PTPRZ1: variants seen among roughly 807,000 people sequenced by gnomAD.
PTPRZ1 encodes the protein protein tyrosine phosphatase receptor type Z1, also known as receptor-type tyrosine-protein phosphatase zeta.
In PTPRZ1, 82 loss-of-function variants were observed where a neutral mutation model predicts 214.1. The observed-to-expected ratio is 0.38, with a 90% CI of 0.32 to 0.46. The LOEUF is 0.46. Ranked by LOEUF, PTPRZ1 falls within the 20% of genes least tolerant of loss-of-function variation. The pLI is 1.00. For synonymous variants in PTPRZ1, 945 were observed against 987.9 expected (o/e 0.96, Z 0.81); for missense variants, 2,603 against 2,748.7 (o/e 0.95, Z 1.19).
At chr7:121,950,901 G>A (rs1796525296) in intron 2 of PTPRZ1, among the ~76,000 whole-genome samples, 1 of 152,144 alleles carries the variant, frequency 6.6e-6, no homozygotes, top group Non-Finnish European at 1.5e-5. Flanking sequence ...GAAACAGAAC[G>A]TATTTGTGGC....
intron 14 of PTPRZ1, among the ~76,000 whole-genome samples, chr7:122,029,671 A>C (rs1799316979): frequency 6.6e-6 from 1 of 151,978 alleles, no homozygotes; most frequent in African/African-American, 2.4e-5. Flanking sequence ...CTGAAATCTC[A>C]TGACTTAAAA....
At chr7:121,943,930 A>G (rs1245061260) in intron 2 of PTPRZ1, among the ~76,000 whole-genome samples, 2 of 152,194 alleles carry the variant, frequency 1.3e-5, no homozygotes, top group Non-Finnish European at 2.9e-5. Flanking sequence ...ATGCATGAAT[A>G]TATTTATTTG....
chr7:122,007,183 A>T (rs1798518436), intron 11 of PTPRZ1, among the ~76,000 whole-genome samples: 1 of 152,152 alleles, frequency 6.6e-6, no homozygotes, highest in South Asian at 2.1e-4. Context: ...TGTTGGTAGA[A>T]GGCTATGATC....
rs1216480087 is a variant in PTPRZ1, at chr7:122,014,432, T to TTTAA, written c.4843+562_4843+565dup. ...TGGGGAGCTTTATTTATTATTATTA[T>TTTAA]TTAATTAATTAATTAATTAATTTTG... On this transcript the variant is annotated intron_variant, in intron 12 of 29. Transcript: ENST00000393386. Among the ~76,000 whole-genome samples the TTTAA allele has an allele frequency of 3.9e-3, 595 of 152,016 alleles. 7 individuals are homozygous for TTTAA. Among genetic ancestry groups the TTTAA allele is most frequent in the African/African-American group, 0.013 (536 of 41,510 alleles).
At chr7:121,925,746 GAGTTTATCTAAATAAATTTA>G (rs1364622645) in intron 1 of PTPRZ1, among the ~76,000 whole-genome samples, 2 of 152,088 alleles carry the variant, frequency 1.3e-5, no homozygotes, top group Admixed American at 6.6e-5. Context: ...ATAAAGATAT[GAGTTTATCTAAATAAATTTA>G]AGTTTATCTA....
intron 20 of PTPRZ1, 84 bp downstream of exon 20, chr7:122,039,672 G>A (rs952633654): frequency 1.3e-6 from 2 of 1,505,078 alleles, no homozygotes; most frequent in Non-Finnish European, 1.8e-6. Flanking sequence ...AACCAAGAAA[G>A]GGTAAAAAGC....
rs1798193825 is a variant in PTPRZ1 at position 121,997,879 on chromosome 7, G to C, written c.1114-1G>C. On this transcript the variant is annotated splice_acceptor_variant, in intron 9 of 29. Coordinates refer to ENST00000393386, the MANE Select transcript of PTPRZ1 (RefSeq NM_002851.3). LOFTEE classifies it high-confidence loss of function. ...TATAATTACTAACATCTTTCTTTTAGGGTGCTATTCTCAATAATTTGCTAC... is the reference window on the plus strand; with the variant it reads ...TATAATTACTAACATCTTTCTTTTACGGTGCTATTCTCAATAATTTGCTAC... 1 of 1,599,104 alleles carries C rather than the reference G, an allele frequency of 6.3e-7. No homozygotes were observed. The highest frequency in any genetic ancestry group is 1.3e-5 in the African/African-American group (1 of 74,348).
chr7:122,024,836 A>ATGCT (rs1437107617), intron 13 of PTPRZ1, among the ~76,000 whole-genome samples: 2 of 152,172 alleles, frequency 1.3e-5, no homozygotes, highest in Admixed American at 6.5e-5. Context: ...ATTCTATGAG[A>ATGCT]TGCTGCCTTC....
intron 12 of PTPRZ1, among the ~76,000 whole-genome samples, chr7:122,015,216 C>A (rs1798809778): frequency 6.6e-6 from 1 of 152,084 alleles, no homozygotes; most frequent in African/African-American, 2.4e-5. Context: ...GTGAACGTAT[C>A]TTAAAGTTTA....
chr7:121,877,105 T>C (rs536150437), intron 1 of PTPRZ1, among the ~76,000 whole-genome samples: 1 of 152,312 alleles, frequency 6.6e-6, no homozygotes, highest in South Asian at 2.1e-4. Flanking sequence ...CTCAAGTGTC[T>C]ACTAGGTGCA....
rs1792590758 is a variant in PTPRZ1, at chr7:122,061,904, AT to A, written c.*688del. 1 of 152,604 alleles carries A rather than the reference AT, an allele frequency of 6.6e-6. No homozygotes were observed. The highest frequency in any genetic ancestry group is 6.5e-5 in the Admixed American group (1 of 15,276). 9.5% of individuals were successfully genotyped at this position (152,604 alleles called of 1,614,324 possible). ...GTCATTAACTTTGTTTCAGCATGTA[AT>A]TTTAACTTTTGTGGAAAATAGAAAT... On this transcript the variant is annotated 3_prime_UTR_variant, in exon 30 of 30. Transcript: ENST00000393386.
chr7:122,057,966 G>GTATATATATACATATA lies in PTPRZ1; in HGVS notation c.6529-833_6529-832insATATATATACATATAT, dbSNP rs1562886833. Among the ~76,000 whole-genome samples the GTATATATATACATATA allele has an allele frequency of 1.4e-3, 201 of 145,512 alleles. 1 individual carries two copies. Among genetic ancestry groups the GTATATATATACATATA allele is most frequent in the African/African-American group, 5.0e-3 (193 of 38,850 alleles). On this transcript the variant is annotated intron_variant, in intron 27 of 29. Coordinates refer to ENST00000393386, the MANE Select transcript of PTPRZ1 (RefSeq NM_002851.3). ...TCATATAGTGTGTGTGTGTGTGTGT[G>GTATATATATACATATA]TGTATATATATACATATATATATAC...
intron 1 of PTPRZ1, among the ~76,000 whole-genome samples, chr7:121,896,405 A>G (rs964148654): frequency 7.2e-5 from 11 of 152,306 alleles, no homozygotes; most frequent in South Asian, 2.1e-4. Flanking sequence ...TTTAGATACT[A>G]CAGCATTATT....
chr7:122,009,393 T>A (rs1798579962), intron 11 of PTPRZ1, among the ~76,000 whole-genome samples: 1 of 148,510 alleles, frequency 6.7e-6, no homozygotes, highest in African/African-American at 2.5e-5. Flanking sequence ...GATGATCAAA[T>A]AAATGACAAT....
At chr7:121,993,583 A>AC (rs1562850073) in intron 8 of PTPRZ1, among the ~76,000 whole-genome samples, 1 of 151,342 alleles carries the variant, frequency 6.6e-6, no homozygotes, top group African/African-American at 2.4e-5. Flanking sequence ...AAAAAAAAAA[A>AC]AAAAAAAAAA....
At chr7:121,898,541 T>A (rs1197310418) in intron 1 of PTPRZ1, among the ~76,000 whole-genome samples, 2 of 152,204 alleles carry the variant, frequency 1.3e-5, no homozygotes, top group Admixed American at 1.3e-4. Flanking sequence ...TCATTTTTTT[T>A]AATATACTGT....
At chr7:122,026,045 G>A (rs1029623758) in intron 13 of PTPRZ1, among the ~76,000 whole-genome samples, 2 of 152,116 alleles carry the variant, frequency 1.3e-5, no homozygotes, top group African/African-American at 2.4e-5. Flanking sequence ...AGTAAAAGGG[G>A]GATAGATATG....
Position 121,976,201 on chromosome 7 carries a change from G to T in PTPRZ1, c.485G>T (p.Arg162Leu), listed in dbSNP as rs376460185. Reference protein sequence around the residue: ...EMQIYCFDADRFSSFEEAVKG... With the variant: ...EMQIYCFDADLFSSFEEAVKG... ...CAAATCTACTGCTTTGATGCGGACC[G>T]ATTTTCAAGTTTTGAGGAAGCAGTC... Residue 162 changes from arginine (R) to leucine (L), a missense_variant, in exon 5 of 30, where the codon CGA becomes CTA. By Grantham distance (102) the Arg-to-Leu change is moderately radical (BLOSUM62 -2). Around this residue, in one of 6 missense-constraint regions of PTPRZ1, gnomAD observed 244 missense variants for 333.2 expected, o/e 0.73. Transcript: ENST00000393386. The T allele has an allele frequency of 1.4e-5, 23 of 1,608,496 alleles. No individual in the cohort carries two copies. Among genetic ancestry groups the T allele is most frequent in the Admixed American group, 5.0e-5 (3 of 59,944 alleles).
intron 23 of PTPRZ1, among the ~76,000 whole-genome samples, chr7:122,050,557 T>C (rs1350937258): frequency 6.6e-6 from 1 of 151,622 alleles, no homozygotes. Flanking sequence ...CGTAAAATGA[T>C]AATTTGCAGA....
Sources: allele counts gnomAD v4.1 joint callset (sites outside exome capture counted in the v4.1 genomes callset), GRCh38; gene constraint gnomAD v4.1.1; regional missense constraint gnomAD v4.1.1; transcripts MANE v1.5; gene names NCBI Gene and HGNC (gene_info 2026-07-23, HGNC 2026-07-21).